Variants in ADAMTSL3 observed in about 807,000 individuals in gnomAD.
ADAMTSL3 encodes ADAMTS like 3.
A neutral mutation model predicts 201.7 loss-of-function variants in ADAMTSL3; 128 were observed. That is an observed-to-expected ratio of 0.63 (90% CI 0.55 to 0.73). The LOEUF (loss-of-function observed/expected upper bound fraction) is 0.73, where lower values mean the gene tolerates loss of function less well. Ranked by LOEUF, ADAMTSL3 falls within the 30% of genes least tolerant of loss-of-function variation. The pLI, the probability that ADAMTSL3 is intolerant of heterozygous loss-of-function variation, is 0.00. For missense variants in ADAMTSL3, 1,990 were observed against 2,119.6 expected, an observed-to-expected ratio of 0.94 and a Z score of 1.20; for synonymous variants, 738 against 748.4, an observed-to-expected ratio of 0.99 and a Z score of 0.23.
At chr15:83,706,469 A>G (rs943152444) in intron 3 of ADAMTSL3, among the ~76,000 whole-genome samples, 1 of 152,148 alleles carries the variant, frequency 6.6e-6, no homozygotes, top group African/African-American at 2.4e-5. Flanking sequence ...TTTAGGAGAA[A>G]GGAATAATTT....
intron 4 of ADAMTSL3, among the ~76,000 whole-genome samples, chr15:83,800,667 G>A (rs1177150012): frequency 6.6e-6 from 1 of 152,070 alleles, no homozygotes; most frequent in East Asian, 1.9e-4. Context: ...AACAAGTTTT[G>A]TATTCCAGTA....
At chr15:83,932,352 C>G (rs1567244860) in intron 17 of ADAMTSL3, among the ~76,000 whole-genome samples, 1 of 152,124 alleles carries the variant, frequency 6.6e-6, no homozygotes, top group African/African-American at 2.4e-5. Context: ...CCTCAGAAGA[C>G]AAAAACAAGC....
intron 6 of ADAMTSL3, among the ~76,000 whole-genome samples, chr15:83,827,196 C>A (rs568998739): frequency 6.6e-6 from 1 of 152,074 alleles, no homozygotes; most frequent in Non-Finnish European, 1.5e-5. Context: ...TTTTAATGAT[C>A]GCCATTCTAA....
intron 9 of ADAMTSL3, among the ~76,000 whole-genome samples, chr15:83,873,089 G>A (rs2065112243): frequency 6.9e-6 from 1 of 144,960 alleles, no homozygotes; most frequent in African/African-American, 2.6e-5. Context: ...TGGATCACCT[G>A]AGGTCAGGAG....
chr15:84,031,204 C>A (rs2068402649), intron 27 of ADAMTSL3, 131 bp from the exon 28 acceptor site: 1 of 835,974 alleles, frequency 1.2e-6, no homozygotes, highest in Non-Finnish European at 2.0e-6. Context: ...TCTTTAACTC[C>A]CCCCTGGGGA....
intron 17 of ADAMTSL3, among the ~76,000 whole-genome samples, chr15:83,938,274 A>G (rs2066495455): frequency 6.6e-6 from 1 of 152,184 alleles, no homozygotes; most frequent in African/African-American, 2.4e-5. Flanking sequence ...GGTCCCATAT[A>G]CCACTTCCAC....
intron 23 of ADAMTSL3, among the ~76,000 whole-genome samples, chr15:84,011,858 T>A (rs185704701): frequency 6.6e-6 from 1 of 152,332 alleles, no homozygotes; most frequent in East Asian, 1.9e-4. Flanking sequence ...AACAAAGAAC[T>A]ATAACATGCA....
chr15:83,773,281 G>T (rs1055440628), intron 3 of ADAMTSL3, among the ~76,000 whole-genome samples: 1 of 151,986 alleles, frequency 6.6e-6, no homozygotes, highest in Non-Finnish European at 1.5e-5. Flanking sequence ...GGTGGTGGGC[G>T]CCTGTAATCC....
intron 7 of ADAMTSL3, among the ~76,000 whole-genome samples, chr15:83,851,640 C>T (rs934843569): frequency 1.3e-5 from 2 of 151,962 alleles, no homozygotes; most frequent in Non-Finnish European, 2.9e-5. Context: ...AAAAAAAATC[C>T]AGAATATCCA....
chr15:84,033,521 T>C (rs540475530), intron 28 of ADAMTSL3, among the ~76,000 whole-genome samples: 119 of 152,256 alleles, frequency 7.8e-4, no homozygotes, highest in African/African-American at 2.6e-3. Context: ...TAGCTGGGCA[T>C]GGTTGCACAT....
chr15:83,787,606 A>G (rs2141815337), intron 4 of ADAMTSL3, among the ~76,000 whole-genome samples: 1 of 151,810 alleles, frequency 6.6e-6, no homozygotes, highest in East Asian at 1.9e-4. Context: ...CAGCCTCTTG[A>G]TTCCCTTCCT....
intron 29 of ADAMTSL3, 34 bp from the exon 30 acceptor site, chr15:84,037,666 C>G (rs776744263): frequency 6.4e-7 from 1 of 1,564,574 alleles, no homozygotes; most frequent in Non-Finnish European, 8.6e-7. Flanking sequence ...CTCTAATAAG[C>G]TATATGTTAC....
At chr15:83,733,444 C>T (rs989770326) in intron 3 of ADAMTSL3, among the ~76,000 whole-genome samples, 1 of 152,044 alleles carries the variant, frequency 6.6e-6, no homozygotes, top group African/African-American at 2.4e-5. Flanking sequence ...GACTGTGAGT[C>T]ACAGCTTCTC....
chr15:83,926,581 T>C (rs1312723147), intron 17 of ADAMTSL3, among the ~76,000 whole-genome samples: 1 of 151,942 alleles, frequency 6.6e-6, no homozygotes, highest in African/African-American at 2.4e-5. Flanking sequence ...AATATCATCG[T>C]TTCCTTTTTA....
intron 8 of ADAMTSL3, among the ~76,000 whole-genome samples, chr15:83,859,152 G>A (rs1479980535): frequency 6.6e-6 from 1 of 152,210 alleles, no homozygotes; most frequent in Non-Finnish European, 1.5e-5. Flanking sequence ...GGAGATAGAA[G>A]TTACAGGCAA....
In ADAMTSL3 at chr15:83,780,600, A is replaced by C. The variant is rs566567031; in HGVS notation, c.317+6950A>C. On this transcript the variant is annotated intron_variant, in intron 4 of 29. Coordinates refer to ENST00000286744, the MANE Select transcript of ADAMTSL3 (RefSeq NM_207517.3). ...CTACTCCTATTCAACATAGTGCTGGAAATTTTGGATGAGGCAATCAGACAA... is the reference window on the plus strand; with the variant it reads ...CTACTCCTATTCAACATAGTGCTGGCAATTTTGGATGAGGCAATCAGACAA... Among the ~76,000 whole-genome samples, 16 of 152,286 alleles carry C rather than the reference A, an allele frequency of 1.1e-4. No individual in the cohort carries two copies. In the South Asian group the frequency reaches 3.3e-3, roughly 32 times the overall value.
At chr15:83,889,925 T>C (rs948792582) in intron 10 of ADAMTSL3, among the ~76,000 whole-genome samples, 184 bp from the exon 11 acceptor site, 1 of 152,088 alleles carries the variant, frequency 6.6e-6, no homozygotes, top group Non-Finnish European at 1.5e-5. Flanking sequence ...AATTGGACCA[T>C]GAAGGAACCT....
Position 83,720,673 on chromosome 15 carries a change from C to T in ADAMTSL3, c.189+16165C>T, listed in dbSNP as rs1198679311. 2.0e-5 allele frequency among the ~76,000 whole-genome samples: 3 copies of T among 152,208 alleles called. No individual in the cohort carries two copies. In the East Asian group the frequency reaches 5.8e-4, roughly 29 times the overall value. On this transcript the variant is annotated intron_variant, in intron 3 of 29. Coordinates refer to ENST00000286744, the MANE Select transcript of ADAMTSL3 (RefSeq NM_207517.3). ...CTGAATAGCCATGTTAAGTACTAAA[C>T]TATTTTAATGACAGTAAGTATGCCC... is the stretch of plus-strand genomic sequence containing the variant.
At chr15:83,845,075 G>A (rs539185057) in intron 7 of ADAMTSL3, among the ~76,000 whole-genome samples, 2 of 152,326 alleles carry the variant, frequency 1.3e-5, no homozygotes, top group African/African-American at 4.8e-5. Context: ...CCTGAACCTG[G>A]ACCATGTGTC....
Sources: gnomAD v4.1 joint callset for allele counts (sites outside exome capture counted in the v4.1 genomes callset) on GRCh38, gnomAD v4.1.1 for gene constraint, MANE v1.5 for transcripts, NCBI Gene and HGNC (gene_info 2026-07-23, HGNC 2026-07-21) for gene names.